Variants in KIAA0825 observed in about 807,000 individuals in gnomAD.
KIAA0825 encodes uncharacterized protein KIAA0825.
In KIAA0825, 119 loss-of-function variants were observed where a neutral mutation model predicts 147.6. The observed-to-expected ratio is 0.81, with a 90% CI of 0.69 to 0.94. The LOEUF is 0.94. KIAA0825 is among the 40% of genes least tolerant of loss of function. The pLI is 0.00. For synonymous variants in KIAA0825, 470 were observed against 518.1 expected (o/e 0.91, Z 1.26); for missense variants, 1,381 against 1,472.7 (o/e 0.94, Z 1.02).
intron 4 of KIAA0825, among the ~76,000 whole-genome samples, chr5:94,521,271 G>C (rs917939502): frequency 4.6e-5 from 7 of 151,744 alleles, no homozygotes; most frequent in Non-Finnish European, 3.0e-5. Flanking sequence ...TGATTGAAAT[G>C]TATTCCTAAT....
In KIAA0825 at chr5:94,396,486, C is replaced by G; in HGVS notation, c.2911G>C (p.Ala971Pro). The change falls in exon 17 of 21, where the codon GCA (alanine) becomes CCA (proline). Residue 971 changes from alanine to proline, a missense_variant. Physicochemically the swap from Ala to Pro is conservative, Grantham distance 27. Transcript: ENST00000682413. The stretch of plus-strand genomic sequence containing the variant: ...AACTTGCTGATTACAATAGATACTG[C>G]CTGAGCAGTAAGCCTTGTGAAGCCT... Reference protein sequence around the residue: ...CKSFTRLTAQAVSIVISKLPT... With the variant: ...CKSFTRLTAQPVSIVISKLPT... 6.7e-7 allele frequency: 1 copy of G among 1,501,648 alleles called. No homozygotes were observed. The highest frequency in any genetic ancestry group is 8.9e-7 in the Non-Finnish European group (1 of 1,127,122). 93.0% of individuals were successfully genotyped at this position (1,501,648 alleles called of 1,614,324 possible).
At chr5:94,277,489 C>G (rs371984897) in intron 20 of KIAA0825, among the ~76,000 whole-genome samples, 1 of 152,016 alleles carries the variant, frequency 6.6e-6, no homozygotes, top group African/African-American at 2.4e-5. Context: ...ATTTATGCGG[C>G]CAACAAACAT....
intron 1 of KIAA0825, chr5:94,594,538 A>C (rs1216137868): frequency 4.0e-6 from 3 of 745,460 alleles, no homozygotes; most frequent in Non-Finnish European, 7.5e-6. Flanking sequence ...TGGGAATCAA[A>C]TACTGAAATA....
chr5:94,486,173 C>T (rs1161811693), intron 5 of KIAA0825, among the ~76,000 whole-genome samples: 1 of 151,922 alleles, frequency 6.6e-6, no homozygotes, highest in Non-Finnish European at 1.5e-5. Flanking sequence ...TTTATTAAAA[C>T]ATATTTAAGA....
At chr5:94,352,073 A>G (rs1783732490) in intron 20 of KIAA0825, among the ~76,000 whole-genome samples, 1 of 152,244 alleles carries the variant, frequency 6.6e-6, no homozygotes, top group Non-Finnish European at 1.5e-5. Flanking sequence ...AAAGATAAAT[A>G]GCTGGGACTT....
intron 8 of KIAA0825, among the ~76,000 whole-genome samples, chr5:94,472,235 T>A (rs1340413399): frequency 6.6e-6 from 1 of 152,186 alleles, no homozygotes; most frequent in Non-Finnish European, 1.5e-5. Context: ...CATCTTCTTA[T>A]TGGTAGGGTG....
chr5:94,228,784 A>G (rs188360167), intron 20 of KIAA0825, among the ~76,000 whole-genome samples: 48 of 152,318 alleles, frequency 3.2e-4, no homozygotes, highest in Admixed American at 1.3e-4. Flanking sequence ...AGCCTATCAT[A>G]TTTTCTGAGT....
chr5:94,491,689 G>C (rs912814443), intron 5 of KIAA0825, among the ~76,000 whole-genome samples: 1 of 152,078 alleles, frequency 6.6e-6, no homozygotes, highest in Non-Finnish European at 1.5e-5. Flanking sequence ...TACTTATTTT[G>C]AGAATTTATA....
intron 18 of KIAA0825, among the ~76,000 whole-genome samples, chr5:94,389,702 A>C (rs1042169566): frequency 1.3e-5 from 2 of 152,170 alleles, no homozygotes; most frequent in African/African-American, 4.8e-5. Flanking sequence ...AAACATCACA[A>C]TGCAATGTCA....
At chr5:94,537,240 T>C (rs6556847) in intron 2 of KIAA0825, 113 bp from the exon 3 acceptor site, 78,441 of 657,232 alleles carry the variant, frequency 0.12, 7,505 homozygotes, top group African/African-American at 0.39. Flanking sequence ...TAGTAATTCC[T>C]ATTTACAGGC....
At chr5:94,538,489 G>C (rs1411357270) in intron 2 of KIAA0825, among the ~76,000 whole-genome samples, 2 of 152,208 alleles carry the variant, frequency 1.3e-5, no homozygotes, top group Admixed American at 1.3e-4. Context: ...AAGGTGTCTG[G>C]GAAATGCTGC....
At chr5:94,491,400 C>CA (rs1461728384) in intron 5 of KIAA0825, among the ~76,000 whole-genome samples, 1 of 152,098 alleles carries the variant, frequency 6.6e-6, no homozygotes, top group Non-Finnish European at 1.5e-5. Flanking sequence ...TCCCAGGACC[C>CA]AAGTCACTTC....
At chr5:94,454,952 G>A (rs1758899256) in intron 12 of KIAA0825, among the ~76,000 whole-genome samples, 1 of 152,058 alleles carries the variant, frequency 6.6e-6, no homozygotes, top group Admixed American at 6.6e-5. Flanking sequence ...TGAATGGGAA[G>A]ATAGAAGGAG....
chr5:94,181,129 C>T (rs192133615), intron 20 of KIAA0825, among the ~76,000 whole-genome samples: 114 of 152,262 alleles, frequency 7.5e-4, no homozygotes, highest in Non-Finnish European at 1.5e-3. Flanking sequence ...TCAGAAGCTA[C>T]CCTATCCAAA....
chr5:94,350,442 C>T (rs544388569), intron 20 of KIAA0825, among the ~76,000 whole-genome samples: 28 of 152,268 alleles, frequency 1.8e-4, no homozygotes, highest in Non-Finnish European at 3.1e-4. Flanking sequence ...AAGCCAGCAT[C>T]ACCCTAATAC....
intron 1 of KIAA0825, chr5:94,594,914 T>C: frequency 3.5e-6 from 1 of 289,128 alleles, no homozygotes; most frequent in Non-Finnish European, 6.6e-6. Flanking sequence ...AATAATCTTC[T>C]TTGACTCCAT....
At chr5:94,338,987 T>TA (rs2150320459) in intron 20 of KIAA0825, among the ~76,000 whole-genome samples, 2 of 152,302 alleles carry the variant, frequency 1.3e-5, no homozygotes, top group Admixed American at 1.3e-4. Context: ...ACATTTGCCT[T>TA]ATATAAAGAC....
At chr5:94,461,433 G>A (rs1051715859) in intron 12 of KIAA0825, among the ~76,000 whole-genome samples, 7 of 151,786 alleles carry the variant, frequency 4.6e-5, no homozygotes, top group African/African-American at 1.7e-4. Context: ...GATTATGAAC[G>A]ATTATGTACA....
intron 20 of KIAA0825, among the ~76,000 whole-genome samples, chr5:94,187,138 G>A (rs975771538): frequency 6.6e-6 from 1 of 152,156 alleles, no homozygotes; most frequent in Non-Finnish European, 1.5e-5. Flanking sequence ...CAAGGACGCT[G>A]CTAAAATAAT....
Sources: allele counts gnomAD v4.1 joint callset (sites outside exome capture counted in the v4.1 genomes callset), GRCh38; gene constraint gnomAD v4.1.1; transcripts MANE v1.5; gene names NCBI Gene and HGNC (gene_info 2026-07-23, HGNC 2026-07-21).